The following SLC25A21 variants were observed in gnomAD, a reference collection of about 807,000 sequenced individuals.
The protein encoded by SLC25A21 is mitochondrial 2-oxodicarboxylate carrier.
A neutral mutation model predicts 43.8 loss-of-function variants in SLC25A21; 47 were observed. That is an observed-to-expected ratio of 1.07 (90% confidence interval 0.85 to 1.37). The LOEUF is 1.37. Ranked by LOEUF, SLC25A21 falls within the 40% of genes most tolerant of loss-of-function variation. The pLI, the probability that SLC25A21 is intolerant of heterozygous loss-of-function variation, is 0.00. For synonymous variants in SLC25A21, 131 were observed against 121.3 expected (o/e 1.08, Z -0.52); for missense variants, 352 against 350.2 (o/e 1.00, Z -0.04).
intron 1 of SLC25A21, among the ~76,000 whole-genome samples, chr14:37,056,141 C>A (rs934826591): frequency 6.6e-6 from 1 of 152,152 alleles, no homozygotes; most frequent in Non-Finnish European, 1.5e-5. Context: ...TTTCCTCAGG[C>A]CTACCCAGAA....
intron 3 of SLC25A21, among the ~76,000 whole-genome samples, chr14:36,796,246 T>C (rs17105347): frequency 0.23 from 35,052 of 152,026 alleles, 4,189 homozygotes; most frequent in East Asian, 0.31. Context: ...CAGGCAATCA[T>C]CACCACCATG....
In SLC25A21 at chr14:37,001,886, C is replaced by G. The variant is rs533645656; in HGVS notation, c.71-126882G>C. Among the ~76,000 whole-genome samples the G allele has an allele frequency of 2.0e-5, 3 of 152,252 alleles. No homozygotes were observed. In the South Asian group the frequency reaches 6.2e-4, roughly 32 times the overall value. ...ATGTTATTGCCTAAAATATTGTAAT[C>G]TTATCTCAATTACCCCAAAACAGGT... On this transcript the variant is annotated intron_variant, in intron 1 of 9. Transcript: ENST00000331299.
intron 1 of SLC25A21, among the ~76,000 whole-genome samples, chr14:37,154,632 C>A (rs1963815165): frequency 7.0e-6 from 1 of 142,068 alleles, no homozygotes; most frequent in African/African-American, 2.8e-5. Flanking sequence ...GAAAATTTTA[C>A]TAAAAGATAG....
intron 3 of SLC25A21, among the ~76,000 whole-genome samples, chr14:36,783,376 C>G (rs1887141497): frequency 6.6e-6 from 1 of 152,110 alleles, no homozygotes; most frequent in African/African-American, 2.4e-5. Context: ...TTCCATGAAG[C>G]AGTTAGTACC....
At chr14:36,997,004 G>A (rs1419180584) in intron 1 of SLC25A21, among the ~76,000 whole-genome samples, 2 of 152,144 alleles carry the variant, frequency 1.3e-5, no homozygotes, top group Admixed American at 6.6e-5. Flanking sequence ...TGAGAGGCAA[G>A]AGACAGCCCA....
intron 1 of SLC25A21, among the ~76,000 whole-genome samples, chr14:36,950,872 C>G (rs1892793176): frequency 6.6e-6 from 1 of 152,172 alleles, no homozygotes; most frequent in Admixed American, 6.5e-5. Context: ...AGAAATGAGC[C>G]AGCTGGACCT....
At chr14:37,003,583 T>C (rs529165505) in intron 1 of SLC25A21, among the ~76,000 whole-genome samples, 1 of 152,338 alleles carries the variant, frequency 6.6e-6, no homozygotes, top group African/African-American at 2.4e-5. Flanking sequence ...GAAGTTATAA[T>C]GAATGAATCA....
At chr14:36,859,572 G>A (rs1890004645) in intron 2 of SLC25A21, among the ~76,000 whole-genome samples, 1 of 152,086 alleles carries the variant, frequency 6.6e-6, no homozygotes, top group Non-Finnish European at 1.5e-5. Flanking sequence ...AACAGGACTG[G>A]GAGAGGCTCA....
intron 1 of SLC25A21, among the ~76,000 whole-genome samples, chr14:36,896,993 T>C (rs140056111): frequency 2.6e-5 from 4 of 152,298 alleles, no homozygotes; most frequent in African/African-American, 7.2e-5. Context: ...ATTTCGACTT[T>C]GGTGAATCTG....
At chr14:37,050,589 G>C (rs1363895792) in intron 1 of SLC25A21, among the ~76,000 whole-genome samples, 1 of 152,202 alleles carries the variant, frequency 6.6e-6, no homozygotes, top group Non-Finnish European at 1.5e-5. Context: ...ACGTATTCTA[G>C]TGAATGTCAT....
chr14:36,682,696 C>T (rs1260174076), intron 9 of SLC25A21, among the ~76,000 whole-genome samples: 1 of 151,960 alleles, frequency 6.6e-6, no homozygotes, highest in Non-Finnish European at 1.5e-5. Context: ...CACAAAATTC[C>T]CCACGTTCTA....
intron 3 of SLC25A21, among the ~76,000 whole-genome samples, chr14:36,762,695 T>C (rs1886206345): frequency 6.6e-6 from 1 of 152,216 alleles, no homozygotes; most frequent in Non-Finnish European, 1.5e-5. Flanking sequence ...CTTGGGGACA[T>C]GAATCTCTCT....
intron 1 of SLC25A21, among the ~76,000 whole-genome samples, chr14:36,880,023 C>A (rs1408838796): frequency 6.6e-6 from 1 of 152,152 alleles, no homozygotes; most frequent in Non-Finnish European, 1.5e-5. Context: ...AATCCTGGGG[C>A]AAAGATGGTT....
chr14:36,864,409 G>A (rs1429622064), intron 2 of SLC25A21, among the ~76,000 whole-genome samples: 1 of 152,088 alleles, frequency 6.6e-6, no homozygotes, highest in Non-Finnish European at 1.5e-5. Flanking sequence ...GTTTTTATTT[G>A]ATTATGTTAT....
intron 2 of SLC25A21, chr14:36,828,448 T>G (rs1888915262): frequency 6.6e-6 from 1 of 152,130 alleles, no homozygotes; most frequent in African/African-American, 2.4e-5. Flanking sequence ...ACATCTCACA[T>G]CAAGACTGTA....
chr14:36,892,802 G>A (rs1233615022), intron 1 of SLC25A21, among the ~76,000 whole-genome samples: 3 of 151,924 alleles, frequency 2.0e-5, no homozygotes, highest in African/African-American at 7.3e-5. Context: ...TGCGGTGTTT[G>A]GTTTTTTGTC....
intron 3 of SLC25A21, among the ~76,000 whole-genome samples, chr14:36,749,576 A>G (rs1343957276): frequency 6.6e-6 from 1 of 152,138 alleles, no homozygotes; most frequent in East Asian, 1.9e-4. Flanking sequence ...AAGTCTCCTC[A>G]AAGAGCAGGC....
chr14:36,763,506 T>C, intron 3 of SLC25A21, among the ~76,000 whole-genome samples: 1 of 152,172 alleles, frequency 6.6e-6, no homozygotes, highest in East Asian at 1.9e-4. Flanking sequence ...ACTCTGCCAC[T>C]GGAGGGAAGG....
intron 1 of SLC25A21, among the ~76,000 whole-genome samples, chr14:37,153,910 C>T (rs1963802035): frequency 6.6e-6 from 1 of 152,182 alleles, no homozygotes; most frequent in African/African-American, 2.4e-5. Context: ...CATCTACTGT[C>T]AACATGAACA....
Sources: allele counts gnomAD v4.1 joint callset (sites outside exome capture counted in the v4.1 genomes callset), GRCh38; gene constraint gnomAD v4.1.1; transcripts MANE v1.5; gene names NCBI Gene and HGNC (gene_info 2026-07-23, HGNC 2026-07-21).